The following OXR1 variants were observed in gnomAD, a reference collection of about 807,000 sequenced individuals.
OXR1 encodes oxidation resistance protein 1.
OXR1 carries 41 observed loss-of-function variants against 104.6 expected under a neutral mutation model. The ratio of observed to expected loss-of-function variants is 0.39; its 90% CI spans 0.31 to 0.51. The LOEUF (loss-of-function observed/expected upper bound fraction) is 0.51. Among genes scored for constraint, OXR1 ranks in the 20% least tolerant of loss-of-function variants. The pLI, the probability that OXR1 is intolerant of heterozygous loss-of-function variation, is 0.77. For missense variants in OXR1, 955 were observed against 1,031.9 expected, an observed-to-expected ratio of 0.93 and a Z score of 1.02; for synonymous variants, 348 against 348.4, an observed-to-expected ratio of 1.00 and a Z score of 0.01.
chr8:106,282,293 T>A (rs539752003), intron 1 of OXR1, among the ~76,000 whole-genome samples: 15 of 152,296 alleles, frequency 9.8e-5, no homozygotes, highest in African/African-American at 3.6e-4. Flanking sequence ...TTGTCACCAG[T>A]AGAAGTCACA....
At chr8:106,674,314 G>T (rs190304475) in intron 3 of OXR1, among the ~76,000 whole-genome samples, 1 of 152,348 alleles carries the variant, frequency 6.6e-6, no homozygotes, top group East Asian at 1.9e-4. Context: ...TTTAATGACT[G>T]CCCTGCCAGA....
At chr8:106,328,151 A>G (rs1407619357) in intron 1 of OXR1, among the ~76,000 whole-genome samples, 1 of 152,210 alleles carries the variant, frequency 6.6e-6, no homozygotes, top group Non-Finnish European at 1.5e-5. Context: ...TCTCAGGCTT[A>G]TGCGGCTCAT....
intron 2 of OXR1, among the ~76,000 whole-genome samples, chr8:106,485,085 G>A (rs1176708419): frequency 6.6e-6 from 1 of 151,916 alleles, no homozygotes; most frequent in Non-Finnish European, 1.5e-5. Context: ...ACTACCTACT[G>A]TATGATTGAA....
intron 2 of OXR1, among the ~76,000 whole-genome samples, chr8:106,397,017 A>G (rs913036263): frequency 1.2e-4 from 18 of 152,156 alleles, no homozygotes; most frequent in African/African-American, 4.3e-4. Flanking sequence ...ACCAATATGT[A>G]TAATATGCTA....
At chr8:106,339,691 G>A (rs1348997992) in intron 1 of OXR1, among the ~76,000 whole-genome samples, 2 of 150,538 alleles carry the variant, frequency 1.3e-5, no homozygotes, top group African/African-American at 4.9e-5. Context: ...CCATTTTTGT[G>A]TCAGGGCCTT....
intron 1 of OXR1, among the ~76,000 whole-genome samples, chr8:106,349,337 G>T (rs1338712109): frequency 6.6e-6 from 1 of 151,986 alleles, no homozygotes; most frequent in Non-Finnish European, 1.5e-5. Context: ...TAGGATGTTT[G>T]TCCATTTTTA....
intron 1 of OXR1, among the ~76,000 whole-genome samples, chr8:106,288,171 C>T (rs1478796834): frequency 1.3e-5 from 2 of 152,146 alleles, no homozygotes; most frequent in East Asian, 1.9e-4. Flanking sequence ...GAATTTAGTA[C>T]TGGCAGGTGA....
At chr8:106,738,095 T>C (rs528215894) in intron 12 of OXR1, among the ~76,000 whole-genome samples, 1 of 152,304 alleles carries the variant, frequency 6.6e-6, no homozygotes, top group African/African-American at 2.4e-5. Context: ...ATTGGAATAG[T>C]ACAGTTTAGA....
intron 3 of OXR1, among the ~76,000 whole-genome samples, chr8:106,562,325 A>G (rs1379935002): frequency 6.6e-6 from 1 of 152,116 alleles, no homozygotes; most frequent in East Asian, 1.9e-4. Flanking sequence ...CATGAAGCAT[A>G]CACAGTATCA....
At chr8:106,380,672 G>A (rs1817106252) in intron 2 of OXR1, among the ~76,000 whole-genome samples, 1 of 152,140 alleles carries the variant, frequency 6.6e-6, no homozygotes, top group African/African-American at 2.4e-5. Flanking sequence ...TAGTGGGTCT[G>A]TGTACAATCT....
At chr8:106,305,063 G>A (rs1172972538) in intron 1 of OXR1, among the ~76,000 whole-genome samples, 3 of 152,084 alleles carry the variant, frequency 2.0e-5, no homozygotes. Context: ...ACTGGGTTCA[G>A]AGATTTTGTG....
intron 3 of OXR1, among the ~76,000 whole-genome samples, chr8:106,522,213 A>T (rs868693553): frequency 6.6e-6 from 1 of 152,142 alleles, no homozygotes; most frequent in African/African-American, 2.4e-5. Context: ...TTCAGGGAGT[A>T]GAGGGGATTG....
chr8:106,704,615 C>G (rs965080959), intron 8 of OXR1, among the ~76,000 whole-genome samples: 1 of 151,844 alleles, frequency 6.6e-6, no homozygotes, highest in Non-Finnish European at 1.5e-5. Context: ...CCAGGTTGGT[C>G]TCGAACCCCT....
chr8:106,619,714 A>G (rs562271631), intron 3 of OXR1, among the ~76,000 whole-genome samples: 2 of 152,328 alleles, frequency 1.3e-5, no homozygotes, highest in Non-Finnish European at 2.9e-5. Context: ...TGTCAACGCT[A>G]TAAAAATGTA....
intron 2 of OXR1, among the ~76,000 whole-genome samples, chr8:106,483,052 C>T (rs1344315404): frequency 1.3e-5 from 2 of 151,938 alleles, no homozygotes; most frequent in African/African-American, 4.8e-5. Flanking sequence ...GAAAATATGG[C>T]AGCAACAGCT....
chr8:106,616,518 C>A (rs1412016381), intron 3 of OXR1, among the ~76,000 whole-genome samples: 1 of 152,006 alleles, frequency 6.6e-6, no homozygotes, highest in African/African-American at 2.4e-5. Flanking sequence ...GAAGATTAGA[C>A]ATCATGAATT....
intron 2 of OXR1, among the ~76,000 whole-genome samples, chr8:106,419,775 A>G (rs1303342836): frequency 6.6e-6 from 1 of 152,142 alleles, no homozygotes; most frequent in Non-Finnish European, 1.5e-5. Context: ...CAGTAGTATT[A>G]GCTGACAGTT....
chr8:106,724,186 ATAAAG>A (rs1746282963), intron 11 of OXR1, among the ~76,000 whole-genome samples: 1 of 152,210 alleles, frequency 6.6e-6, no homozygotes, highest in African/African-American at 2.4e-5. Context: ...TTCAGTTCGA[ATAAAG>A]TAAAGGAAAA....
intron 4 of OXR1, among the ~76,000 whole-genome samples, chr8:106,681,681 C>T (rs780902330): frequency 6.6e-6 from 1 of 151,966 alleles, no homozygotes; most frequent in Non-Finnish European, 1.5e-5. Context: ...TGCATCACCA[C>T]GCCCAGCTAA....
Sources: allele counts gnomAD v4.1 joint callset (sites outside exome capture counted in the v4.1 genomes callset), GRCh38; gene constraint gnomAD v4.1.1; transcripts MANE v1.5; gene names NCBI Gene and HGNC (gene_info 2026-07-23, HGNC 2026-07-21).